Variants in RGS6 observed in about 807,000 individuals in gnomAD.
The protein encoded by RGS6 is regulator of G-protein signaling 6.
Under a neutral mutation model 78.5 loss-of-function variants are expected in RGS6, and 30 were observed. The observed-to-expected ratio is 0.38, with a 90% CI of 0.29 to 0.52. The LOEUF (loss-of-function observed/expected upper bound fraction) is 0.52, where lower values mean the gene tolerates loss of function less well. RGS6 is among the 20% of genes least tolerant of loss of function. The pLI, the probability that RGS6 is intolerant of heterozygous loss-of-function variation, is 0.85. For synonymous variants in RGS6, 206 were observed against 206.0 expected (o/e 1.00, Z 0.00); for missense variants, 495 against 609.7 (o/e 0.81, Z 1.98).
At chr14:72,244,881 A>G (rs917029798) in intron 2 of RGS6, among the ~76,000 whole-genome samples, 9 of 151,532 alleles carry the variant, frequency 5.9e-5, no homozygotes, top group Non-Finnish European at 1.0e-4. Flanking sequence ...CTGGAGTGCA[A>G]TGGCACGATC....
intron 2 of RGS6, among the ~76,000 whole-genome samples, chr14:72,287,595 T>C (rs2062810576): frequency 6.6e-6 from 1 of 152,176 alleles, no homozygotes; most frequent in Admixed American, 6.5e-5. Flanking sequence ...TAGCTGGGAC[T>C]ATAGGCATGT....
intron 3 of RGS6, among the ~76,000 whole-genome samples, chr14:72,392,849 T>A (rs1373885371): frequency 6.6e-6 from 1 of 152,060 alleles, no homozygotes; most frequent in Non-Finnish European, 1.5e-5. Flanking sequence ...GGATGCAGCC[T>A]CTCCACCCCA....
chr14:72,110,383 C>A (rs963716500), intron 2 of RGS6, among the ~76,000 whole-genome samples: 3 of 152,202 alleles, frequency 2.0e-5, no homozygotes, highest in African/African-American at 7.2e-5. Flanking sequence ...CTTCTCATCA[C>A]TGTGGGCACC....
At chr14:72,017,922 G>C (rs2087425676) in intron 2 of RGS6, among the ~76,000 whole-genome samples, 1 of 152,106 alleles carries the variant, frequency 6.6e-6, no homozygotes, top group Admixed American at 6.6e-5. Flanking sequence ...TATTCTTCCT[G>C]ATGCTACCCC....
rs565593746 is a variant in RGS6 at position 72,515,846 on chromosome 14, C to G, written c.1092-2505C>G. On this transcript the variant is annotated intron_variant, in intron 14 of 17. Coordinates refer to ENST00000553525, the MANE Select transcript of RGS6 (RefSeq NM_001204424.2). ...TCAGGGCCTTCCCACAGGGGCTCAG[C>G]AGCTCCTCCTCAGTGCTGACAGAGG... 5.2e-5 allele frequency: 8 copies of G among 152,402 alleles called. No individual in the cohort carries two copies. The South Asian group carries it at 1.7e-3, about 32-fold the overall frequency. 9.4% of individuals were successfully genotyped at this position (152,402 alleles called of 1,614,324 possible).
chr14:72,501,748 T>C (rs1043363196), intron 13 of RGS6, among the ~76,000 whole-genome samples: 3 of 152,184 alleles, frequency 2.0e-5, no homozygotes. Flanking sequence ...TGGTTTGTGA[T>C]TTGCTCTCTC....
intron 2 of RGS6, among the ~76,000 whole-genome samples, chr14:72,346,703 T>C (rs370186514): frequency 6.6e-6 from 1 of 152,324 alleles, no homozygotes; most frequent in African/African-American, 2.4e-5. Flanking sequence ...GAAGTCCAGA[T>C]AGGTGAAGCA....
intron 2 of RGS6, among the ~76,000 whole-genome samples, chr14:72,053,146 A>C (rs1327947951): frequency 8.5e-6 from 1 of 117,488 alleles, no homozygotes; most frequent in African/African-American, 3.3e-5. Context: ...TTTTTGATGG[A>C]GTCTCGCTCT....
chr14:72,357,508 T>C (rs1218552946), intron 3 of RGS6, among the ~76,000 whole-genome samples: 1 of 152,164 alleles, frequency 6.6e-6, no homozygotes, highest in Admixed American at 6.5e-5. Context: ...GCTGAGGTAG[T>C]CTCAGATGGA....
chr14:71,996,752 T>G (rs2095221388), intron 2 of RGS6, among the ~76,000 whole-genome samples: 1 of 150,076 alleles, frequency 6.7e-6, no homozygotes, highest in African/African-American at 2.5e-5. Flanking sequence ...GGATGAGGAG[T>G]CTGCCAGGAG....
intron 2 of RGS6, among the ~76,000 whole-genome samples, chr14:71,974,710 T>G (rs1316536824): frequency 6.6e-6 from 1 of 152,180 alleles, no homozygotes; most frequent in Non-Finnish European, 1.5e-5. Context: ...ATGATGGTTA[T>G]GTAGGTTTAC....
At chr14:72,590,365 C>T in the RGS6 span, among the ~76,000 whole-genome samples, 11 of 152,174 alleles carry the variant, frequency 7.2e-5, no homozygotes, top group Non-Finnish European at 1.6e-4. Context: ...TTCATAATAG[C>T]CTCAAATTTG....
At chr14:72,437,364 GA>G (rs1166686590) in intron 3 of RGS6, among the ~76,000 whole-genome samples, 11 of 131,922 alleles carry the variant, frequency 8.3e-5, no homozygotes, top group South Asian at 2.5e-4. Context: ...AAAAAAAAAG[GA>G]AAAAAAAAAT....
chr14:72,448,942 T>G (rs1050358330), intron 3 of RGS6, among the ~76,000 whole-genome samples: 17 of 152,342 alleles, frequency 1.1e-4, no homozygotes, highest in African/African-American at 3.8e-4. Context: ...ACAATTATTG[T>G]CAAGATAACA....
intron 2 of RGS6, among the ~76,000 whole-genome samples, chr14:72,331,765 G>A (rs180868217): frequency 5.3e-5 from 8 of 152,276 alleles, no homozygotes; most frequent in African/African-American, 1.9e-4. Flanking sequence ...ACCCTGCATG[G>A]AGGAGAGGAA....
intron 2 of RGS6, among the ~76,000 whole-genome samples, chr14:72,275,315 T>G (rs2060512700): frequency 6.6e-6 from 1 of 152,192 alleles, no homozygotes; most frequent in Admixed American, 6.5e-5. Flanking sequence ...ACTAACAAAT[T>G]CAGGCCACAT....
chr14:72,223,110 A>G (rs2047260089), intron 2 of RGS6, among the ~76,000 whole-genome samples: 1 of 152,228 alleles, frequency 6.6e-6, no homozygotes, highest in Non-Finnish European at 1.5e-5. Context: ...AAGAGTTCAA[A>G]TTTGTTGATG....
chr14:72,021,121 C>G (rs2088363347), intron 2 of RGS6, among the ~76,000 whole-genome samples: 3 of 152,214 alleles, frequency 2.0e-5, no homozygotes, highest in South Asian at 2.1e-4. Flanking sequence ...AGCCCAGGCT[C>G]TAGGTCTGAA....
intron 2 of RGS6, among the ~76,000 whole-genome samples, chr14:72,346,829 G>T (rs549504552): frequency 6.6e-6 from 1 of 152,256 alleles, no homozygotes; most frequent in Admixed American, 6.5e-5. Context: ...AGAGAGGATT[G>T]CTTCTCCTCA....
Sources: allele counts gnomAD v4.1 joint callset (sites outside exome capture counted in the v4.1 genomes callset), GRCh38; gene constraint gnomAD v4.1.1; transcripts MANE v1.5; gene names NCBI Gene and HGNC (gene_info 2026-07-23, HGNC 2026-07-21).